Variants in LRRN3 observed in about 807,000 individuals in gnomAD.
The protein encoded by LRRN3 is leucine rich repeat neuronal 3.
LRRN3 carries 15 observed loss-of-function variants against 40.1 expected under a neutral mutation model. The ratio of observed to expected loss-of-function variants is 0.37; its 90% CI spans 0.25 to 0.58. The LOEUF (loss-of-function observed/expected upper bound fraction) is 0.58. LRRN3 is among the 20% of genes least tolerant of loss of function. The pLI, the probability that LRRN3 is intolerant of heterozygous loss-of-function variation, is 0.72. For synonymous variants in LRRN3, 308 were observed against 297.2 expected (o/e 1.04, Z -0.37); for missense variants, 746 against 837.7 (o/e 0.89, Z 1.35).
chr7:111,104,492 T>C (rs1798324113), intron 2 of LRRN3, among the ~76,000 whole-genome samples: 1 of 151,844 alleles, frequency 6.6e-6, no homozygotes, highest in African/African-American at 2.4e-5. Context: ...ATCACTTCTA[T>C]TGAAGCTGAT....
rs1800935065 is a variant in LRRN3, at chr7:111,123,720, T to C, written c.948T>C (p.Ala316=). The part of the protein sequence containing the change: ...DNLPDLRKIE[A]TNNPRLSYIH... ...TGCCAGATTTAAGAAAAATAGAAGC[T>C]ACTAACAACCCTAGATTGTCTTACA... The change falls in exon 3 of 3, where the codon GCT becomes GCC. Residue 316 remains alanine (A), a synonymous_variant. Coordinates refer to ENST00000308478, the MANE Select transcript of LRRN3 (RefSeq NM_001099658.2). This position sits in a 1 kb window ranked among gnomAD's most constrained non-coding sequence, Gnocchi z 6.4. 1 of 1,613,900 alleles carries C rather than the reference T, an allele frequency of 6.2e-7. No individual in the cohort carries two copies. Among genetic ancestry groups the C allele is most frequent in the Non-Finnish European group, 8.5e-7 (1 of 1,179,900 alleles).
At chr7:111,112,048 G>A (rs184161124) in intron 2 of LRRN3, among the ~76,000 whole-genome samples, 13 of 146,178 alleles carry the variant, frequency 8.9e-5, no homozygotes, top group East Asian at 2.0e-4. Context: ...CCTGGGTTCC[G>A]GTGATTCTCC....
intron 2 of LRRN3, among the ~76,000 whole-genome samples, chr7:111,115,279 G>C (rs1799743925): frequency 6.6e-6 from 1 of 151,786 alleles, no homozygotes; most frequent in Non-Finnish European, 1.5e-5. Flanking sequence ...AAAAATATAA[G>C]CATCAAGAGA....
chr7:111,120,525 T>C (rs1055694257), intron 2 of LRRN3, among the ~76,000 whole-genome samples: 1 of 152,168 alleles, frequency 6.6e-6, no homozygotes, highest in Admixed American at 6.6e-5. Context: ...CAATTCAAGA[T>C]GAGATTTGGG....
At chr7:111,098,031 A>T (rs1797588566) in intron 1 of LRRN3, among the ~76,000 whole-genome samples, 1 of 151,848 alleles carries the variant, frequency 6.6e-6, no homozygotes, top group African/African-American at 2.4e-5. Flanking sequence ...ACAGAACAGA[A>T]TGGAAAGAGC....
At chr7:111,105,607 A>T (rs973550462) in intron 2 of LRRN3, among the ~76,000 whole-genome samples, 1 of 151,898 alleles carries the variant, frequency 6.6e-6, no homozygotes, top group African/African-American at 2.4e-5. Flanking sequence ...ACTTTCTAAG[A>T]AACAAATACA....
chr7:111,121,486 T>C (rs922632532), intron 2 of LRRN3, among the ~76,000 whole-genome samples: 3 of 152,154 alleles, frequency 2.0e-5, no homozygotes, highest in Non-Finnish European at 2.9e-5. Context: ...AAAATGATCA[T>C]CATCACTGGC....
Position 111,122,512 on chromosome 7 carries a change from C to A in LRRN3, c.-261C>A. The A allele has an allele frequency of 4.6e-6, 2 of 432,288 alleles. No homozygotes were observed. The highest frequency in any genetic ancestry group is 8.2e-6 in the Non-Finnish European group (2 of 242,866). 26.8% of individuals were successfully genotyped at this position (432,288 alleles called of 1,614,324 possible). A position where few individuals can be genotyped will look rare whatever the true frequency, so the allele number is the denominator to read the frequency against. Reference sequence around the variant, plus strand: ...ACTCAATCTCCTATGACCATCTATACATACTCCACCTTCAAAAAGTACATC... The same window carrying A: ...ACTCAATCTCCTATGACCATCTATAAATACTCCACCTTCAAAAAGTACATC... On this transcript the variant is annotated 5_prime_UTR_variant, in exon 3 of 3. An upstream open reading frame in the 5' UTR gains an earlier in-frame stop. Transcript: ENST00000308478.
chr7:111,099,889 G>T lies in LRRN3; in HGVS notation c.-432G>T, dbSNP rs1797787461. 1 of 151,656 alleles carries T rather than the reference G, an allele frequency of 6.6e-6. No homozygotes were observed. The highest frequency in any genetic ancestry group is 2.1e-4 in the South Asian group (1 of 4,822). 9.4% of individuals were successfully genotyped at this position (151,656 alleles called of 1,614,324 possible). On this transcript the variant is annotated 5_prime_UTR_variant, in exon 2 of 3. Transcript: ENST00000308478. Reference sequence around the variant, plus strand: ...TCTTACATACAACAAAGACGAGGAAGAGGAGGAGAAAGAGAAAGAAGAGGA... The same window carrying T: ...TCTTACATACAACAAAGACGAGGAATAGGAGGAGAAAGAGAAAGAAGAGGA...
At chr7:111,096,584 C>CA (rs1797424820) in intron 1 of LRRN3, among the ~76,000 whole-genome samples, 1 of 151,084 alleles carries the variant, frequency 6.6e-6, no homozygotes, top group Non-Finnish European at 1.5e-5. Flanking sequence ...GTTCTACCTA[C>CA]TCATCCATAT....
chr7:111,108,915 C>G (rs536444568), intron 2 of LRRN3, among the ~76,000 whole-genome samples: 1 of 152,180 alleles, frequency 6.6e-6, no homozygotes, highest in South Asian at 2.1e-4. Context: ...ACAACAATAG[C>G]AGGCAATATT....
intron 2 of LRRN3, among the ~76,000 whole-genome samples, chr7:111,112,928 A>G (rs770851837): frequency 7.2e-5 from 11 of 152,174 alleles, no homozygotes; most frequent in Non-Finnish European, 1.2e-4. Flanking sequence ...AAACTGAAGG[A>G]GCTAATTTTA....
rs1250603294 is a variant in LRRN3 at position 111,123,729 on chromosome 7, C to T, written c.957C>T (p.Asn319=). 1 of 1,613,844 alleles carries T rather than the reference C, an allele frequency of 6.2e-7. No homozygotes were observed. Among genetic ancestry groups the T allele is most frequent in the South Asian group, 1.1e-5 (1 of 91,072 alleles). ...PDLRKIEATN[N]PRLSYIHPNA... ...TAAGAAAAATAGAAGCTACTAACAA[C>T]CCTAGATTGTCTTACATTCACCCCA... is the stretch of plus-strand genomic sequence containing the variant. The change falls in exon 3 of 3, where the codon AAC becomes AAT. Residue 319 remains asparagine (N), a synonymous_variant. Transcript: ENST00000308478. This position sits in a 1 kb window ranked among gnomAD's most constrained non-coding sequence, Gnocchi z 6.4.
chr7:111,095,023 AT>A (rs1312497100), intron 1 of LRRN3, among the ~76,000 whole-genome samples: 1 of 152,060 alleles, frequency 6.6e-6, no homozygotes, highest in African/African-American at 2.4e-5. Flanking sequence ...TATTTGCATA[AT>A]TGTCAAGTTT....
At chr7:111,117,076 G>T (rs1799965263) in intron 2 of LRRN3, among the ~76,000 whole-genome samples, 1 of 151,600 alleles carries the variant, frequency 6.6e-6, no homozygotes, top group South Asian at 2.1e-4. Context: ...AGAAATAATG[G>T]CAGGTAACTA....
At chr7:111,108,353 A>C (rs1210641557) in intron 2 of LRRN3, among the ~76,000 whole-genome samples, 1 of 152,166 alleles carries the variant, frequency 6.6e-6, no homozygotes, top group Non-Finnish European at 1.5e-5. Context: ...TCAATCATTA[A>C]GAATACATTT....
At position 111,124,613 on chromosome 7, in the gene LRRN3, T is replaced by A. The variant is rs1801068456; in HGVS notation, c.1841T>A (p.Leu614Ter). 6.2e-7 allele frequency: 1 copy of A among 1,613,888 alleles called. No homozygotes were observed. The highest frequency in any genetic ancestry group is 8.5e-7 in the Non-Finnish European group (1 of 1,180,006). The part of the protein sequence containing the change: ...KKCVNVTTKG[L>*]HPDQKEYEKN... ...TGTGTAAATGTCACCACCAAAGGTT[T>A]GCACCCTGATCAAAAAGAGTATGAA... Residue 614 changes from leucine (L) to a stop codon, truncating the protein, a stop_gained, in exon 3 of 3, where the codon TTG (leucine) becomes TAG (stop). Coordinates refer to ENST00000308478, the MANE Select transcript of LRRN3 (RefSeq NM_001099658.2). LOFTEE classifies it high-confidence loss of function.
In LRRN3 at chr7:111,123,023, T is replaced by C; in HGVS notation, c.251T>C (p.Ile84Thr). 4 of 1,613,928 alleles carry C rather than the reference T, an allele frequency of 2.5e-6. No homozygotes were observed. Among genetic ancestry groups the C allele is most frequent in the Non-Finnish European group, 3.4e-6 (4 of 1,179,956 alleles). Reference sequence around the variant, plus strand: ...CTACAGACTAACAATATTGCAAAAATTGAATACTCCACAGACTTTCCAGTA... The same window carrying C: ...CTACAGACTAACAATATTGCAAAAACTGAATACTCCACAGACTTTCCAGTA... ...LLLQTNNIAK[I>T]EYSTDFPVNL... is the part of the protein sequence containing the mutation. Residue 84 changes from isoleucine to threonine, a missense_variant, in exon 3 of 3, where the codon ATT becomes ACT. Coordinates refer to ENST00000308478, the MANE Select transcript of LRRN3 (RefSeq NM_001099658.2). The surrounding 1 kb of genome is among the most constrained non-coding windows in gnomAD (Gnocchi z 6.4).
intron 2 of LRRN3, among the ~76,000 whole-genome samples, chr7:111,116,649 GATGTGATTACTCTCAC>G (rs1039434760): frequency 1.3e-5 from 2 of 152,110 alleles, no homozygotes; most frequent in Admixed American, 1.3e-4. Flanking sequence ...TTCAGAGAGC[GATGTGATTACTCTCAC>G]ATAGCAAAAC....
Sources: allele counts gnomAD v4.1 joint callset (sites outside exome capture counted in the v4.1 genomes callset), GRCh38; gene constraint gnomAD v4.1.1; non-coding constraint Gnocchi (gnomAD v3.1); transcripts MANE v1.5; gene names NCBI Gene and HGNC (gene_info 2026-07-23, HGNC 2026-07-21).